Variants in C16orf78 observed in about 807,000 individuals in gnomAD.
C16orf78 encodes the protein uncharacterized protein C16orf78.
Under a neutral mutation model 27.3 loss-of-function variants are expected in C16orf78, and 19 were observed. The observed-to-expected ratio is 0.70, with a 90% CI of 0.49 to 1.02. C16orf78 has a LOEUF of 1.02. Ranked by LOEUF, C16orf78 falls within the 50% of genes least tolerant of loss-of-function variation. C16orf78 has a pLI of 0.00. For synonymous variants in C16orf78, 130 were observed against 116.1 expected (o/e 1.12, Z -0.77); for missense variants, 339 against 337.0 (o/e 1.01, Z -0.05).
At chr16:49,377,455 C>T (rs866825145) in intron 1 of C16orf78, among the ~76,000 whole-genome samples, 6 of 151,962 alleles carry the variant, frequency 3.9e-5, no homozygotes, top group South Asian at 2.1e-4. Flanking sequence ...GAGTGAGGCC[C>T]TTATGTGGGG....
At chr16:49,381,817 G>T (rs1263131376) in intron 3 of C16orf78, among the ~76,000 whole-genome samples, 2 of 152,114 alleles carry the variant, frequency 1.3e-5, no homozygotes, top group Non-Finnish European at 2.9e-5. Flanking sequence ...CTGCTGGTGG[G>T]ACTGTAAACT....
chr16:49,378,220 G>A (rs1965244252), intron 2 of C16orf78, among the ~76,000 whole-genome samples: 1 of 152,114 alleles, frequency 6.6e-6, no homozygotes. Flanking sequence ...GCCTCCGAGG[G>A]CCTGTGTTTC....
At chr16:49,381,008 C>T (rs1445282236) in intron 3 of C16orf78, among the ~76,000 whole-genome samples, 1 of 150,076 alleles carries the variant, frequency 6.7e-6, no homozygotes, top group Admixed American at 6.6e-5. Flanking sequence ...GTTTTGGTAC[C>T]AGTACCATGC....
At position 49,396,482 on chromosome 16, in the gene C16orf78, C is replaced by T. The variant is rs139737719; in HGVS notation, c.454C>T (p.Arg152Ter). ...ESTQRPNPFRRQSIVLDPMLQ... is the reference protein window; with the variant it reads ...ESTQRPNPFR ...CACTCAGCGGCCAAACCCATTCCGTCGACAAAGCATTGTCTTAGATCCCAT... is the reference window on the plus strand; with the variant it reads ...CACTCAGCGGCCAAACCCATTCCGTTGACAAAGCATTGTCTTAGATCCCAT... Residue 152 changes from arginine (R) to a stop codon, truncating the protein, a stop_gained, in exon 4 of 5, where the codon CGA becomes TGA. Transcript: ENST00000299191. LOFTEE classifies it high-confidence loss of function. The T allele has an allele frequency of 2.9e-5, 47 of 1,614,032 alleles. 1 individual carries two copies. Among genetic ancestry groups the T allele is most frequent in the South Asian group, 8.8e-5 (8 of 91,076 alleles).
At chr16:49,377,922 C>T in intron 2 of C16orf78, 72 bp downstream of exon 2, 1 of 1,509,972 alleles carries the variant, frequency 6.6e-7, no homozygotes, top group Non-Finnish European at 8.9e-7. Context: ...TGCTTCTCTC[C>T]TGCATAATGC....
chr16:49,384,636 A>G (rs1001740628), intron 3 of C16orf78, among the ~76,000 whole-genome samples: 1 of 152,186 alleles, frequency 6.6e-6, no homozygotes, highest in African/African-American at 2.4e-5. Flanking sequence ...GAAAGAAATA[A>G]TGGCTGCAAA....
intron 1 of C16orf78, 51 bp from the exon 2 acceptor site, chr16:49,377,680 A>T: frequency 1.3e-6 from 2 of 1,576,302 alleles, no homozygotes; most frequent in Non-Finnish European, 1.7e-6. Context: ...AAGGGAGGGG[A>T]TGCTGTCCCC....
chr16:49,386,016 AT>A (rs1965346181), intron 3 of C16orf78, among the ~76,000 whole-genome samples: 1 of 152,226 alleles, frequency 6.6e-6, no homozygotes, highest in African/African-American at 2.4e-5. Context: ...AAGAGAAGGA[AT>A]TGGAAAAGAT....
chr16:49,384,058 G>A (rs1455044804), intron 3 of C16orf78, among the ~76,000 whole-genome samples: 1 of 151,896 alleles, frequency 6.6e-6, no homozygotes, highest in Non-Finnish European at 1.5e-5. Context: ...TTTTTTAAAA[G>A]CCAAAAAAGG....
At chr16:49,386,143 A>T (rs1323024517) in intron 3 of C16orf78, among the ~76,000 whole-genome samples, 1 of 152,264 alleles carries the variant, frequency 6.6e-6, no homozygotes, top group Non-Finnish European at 1.5e-5. Flanking sequence ...GGATTGATTC[A>T]TCAAGAAGAC....
Position 49,374,073 on chromosome 16 carries a change from A to T in C16orf78, c.134A>T (p.Lys45Met). 6.2e-7 allele frequency: 1 copy of T among 1,614,162 alleles called. No homozygotes were observed. The highest frequency in any genetic ancestry group is 8.5e-7 in the Non-Finnish European group (1 of 1,180,006). Residue 45 changes from lysine to methionine, a missense_variant, in exon 1 of 5, where the codon AAG (lysine) becomes ATG (methionine). Coordinates refer to ENST00000299191, the MANE Select transcript of C16orf78 (RefSeq NM_144602.4). ...TGGCTGGAGCGGAGGCAGGGGAAGA[A>T]GAAACAAGCTCCCGAGGTGGGTACC... ...LEWLERRQGK[K>M]KQAPEKQKPK...
chr16:49,396,440 G>C lies in C16orf78; in HGVS notation c.412G>C (p.Ala138Pro), dbSNP rs536437751. 16 of 1,614,120 alleles carry C rather than the reference G, an allele frequency of 9.9e-6. No homozygotes were observed. The South Asian group carries it at 1.5e-4, about 16-fold the overall frequency. ...AATTTCAGATACAGACATCAAGGAT[G>C]CAGTCGACCCAGAGTCCACTCAGCG... Reference protein sequence around the residue: ...PKKSDTDIKDAVDPESTQRPN... With the variant: ...PKKSDTDIKDPVDPESTQRPN... The change falls in exon 4 of 5, where the codon GCA (alanine) becomes CCA (proline). Residue 138 changes from alanine (A) to proline (P), a missense_variant. Physicochemically the swap from Ala to Pro is conservative, Grantham distance 27 (BLOSUM62 -1). Transcript: ENST00000299191.
At chr16:49,378,397 T>G in intron 2 of C16orf78, 73 bp from the exon 3 acceptor site, 1 of 1,510,942 alleles carries the variant, frequency 6.6e-7, no homozygotes, top group Non-Finnish European at 8.8e-7. Flanking sequence ...AATTGCTGTT[T>G]GCTTGGGATG....
intron 1 of C16orf78, among the ~76,000 whole-genome samples, chr16:49,377,444 G>C (rs998492666): frequency 6.6e-6 from 1 of 152,156 alleles, no homozygotes; most frequent in African/African-American, 2.4e-5. Context: ...ACCAGGCTAG[G>C]GAGTGAGGCC....
intron 3 of C16orf78, among the ~76,000 whole-genome samples, chr16:49,394,425 C>A (rs888989035): frequency 6.6e-6 from 1 of 151,534 alleles, no homozygotes; most frequent in African/African-American, 2.4e-5. Flanking sequence ...TCTAAGAACA[C>A]AATTTATTAC....
intron 3 of C16orf78, among the ~76,000 whole-genome samples, chr16:49,383,346 G>C (rs1965310192): frequency 6.6e-6 from 1 of 152,156 alleles, no homozygotes; most frequent in African/African-American, 2.4e-5. Context: ...CCTATGAAGG[G>C]CCTAAAGATA....
At chr16:49,391,507 C>T (rs2151615090) in intron 3 of C16orf78, among the ~76,000 whole-genome samples, 1 of 152,296 alleles carries the variant, frequency 6.6e-6, no homozygotes, top group South Asian at 2.1e-4. Context: ...CCAGGACAGG[C>T]TTCCAGAAAA....
chr16:49,394,716 A>G (rs1476227756), intron 3 of C16orf78, among the ~76,000 whole-genome samples: 2 of 152,090 alleles, frequency 1.3e-5, no homozygotes, highest in African/African-American at 4.8e-5. Context: ...TAAAAATAAT[A>G]TATAATTTTG....
At chr16:49,381,475 G>T (rs1042782871) in intron 3 of C16orf78, among the ~76,000 whole-genome samples, 3 of 152,098 alleles carry the variant, frequency 2.0e-5, no homozygotes, top group African/African-American at 4.8e-5. Flanking sequence ...GAGTGAACAG[G>T]CAACCTACAA....
Sources: allele counts gnomAD v4.1 joint callset (sites outside exome capture counted in the v4.1 genomes callset), GRCh38; gene constraint gnomAD v4.1.1; transcripts MANE v1.5; gene names NCBI Gene and HGNC (gene_info 2026-07-23, HGNC 2026-07-21).